Variants in MYOM1 observed in about 807,000 individuals in gnomAD.
MYOM1 encodes the protein myomesin-1.
In MYOM1, 164 loss-of-function variants were observed where a neutral mutation model predicts 205.3. That is an observed-to-expected ratio of 0.80 (90% CI 0.70 to 0.91). The LOEUF is 0.91. Among genes scored for constraint, MYOM1 ranks in the 40% least tolerant of loss-of-function variants. The pLI is 0.00. For synonymous variants in MYOM1, 772 were observed against 789.4 expected (o/e 0.98, Z 0.37); for missense variants, 2,011 against 2,127.3 (o/e 0.95, Z 1.08).
At chr18:3,136,361 A>G (rs901021873) in intron 14 of MYOM1, among the ~76,000 whole-genome samples, 7 of 152,120 alleles carry the variant, frequency 4.6e-5, no homozygotes, top group African/African-American at 1.7e-4. Context: ...TGCTTACAAA[A>G]GTCTTATTTT....
rs778965112 is a variant in MYOM1, at chr18:3,164,417, T to C, written c.1362A>G (p.Lys454=). ...CTCCACTCCAAAGTGTTTGCACCCATTTTGATGGAGAAAGAGGTACTCCTA... is the reference window on the plus strand; with the variant it reads ...CTCCACTCCAAAGTGTTTGCACCCACTTTGATGGAGAAAGAGGTACTCCTA... ...YRNGVPLSPS[K]WVQTLWSGER... The change falls in exon 10 of 38, where the codon AAA becomes AAG. Residue 454 remains lysine, a synonymous_variant. Transcript: ENST00000356443. The C allele has an allele frequency of 1.8e-5, 29 of 1,605,166 alleles. No homozygotes were observed. The highest frequency in any genetic ancestry group is 2.3e-5 in the Non-Finnish European group (27 of 1,176,444).
chr18:3,187,601 C>T lies in MYOM1; in HGVS notation c.808G>A (p.Glu270Lys), dbSNP rs777614479. Reference sequence around the variant, plus strand: ...TCAGGAGCATGGAGAAGATGGTCTTCATTCAGCTTGGCATGATATGTCTCG... The same window carrying T: ...TCAGGAGCATGGAGAAGATGGTCTTTATTCAGCTTGGCATGATATGTCTCG... ...ETETYHAKLNEDHLLHAPEFI... is the reference protein window; with the variant it reads ...ETETYHAKLNKDHLLHAPEFI... The change falls in exon 5 of 38, where the codon GAA (glutamate) becomes AAA (lysine). Residue 270 changes from glutamate (E) to lysine (K), a missense_variant. Physicochemically the swap from Glu to Lys is moderately conservative, Grantham distance 56 (BLOSUM62 1). Transcript: ENST00000356443. The T allele has an allele frequency of 9.9e-6, 16 of 1,612,682 alleles. No individual in the cohort carries two copies. The Admixed American group carries it at 2.7e-4, about 27-fold the overall frequency.
chr18:3,097,727 C>T (rs765547391), intron 25 of MYOM1, among the ~76,000 whole-genome samples: 1 of 152,086 alleles, frequency 6.6e-6, no homozygotes, highest in Non-Finnish European at 1.5e-5. Context: ...GTTTTAATCA[C>T]ATTCTCAGGG....
Position 3,187,598 on chromosome 18 carries a change from C to T in MYOM1, c.811G>A (p.Asp271Asn). 3 of 1,612,638 alleles carry T rather than the reference C, an allele frequency of 1.9e-6. No homozygotes were observed. Among genetic ancestry groups the T allele is most frequent in the Non-Finnish European group, 2.5e-6 (3 of 1,178,936 alleles). ...TETYHAKLNE[D>N]HLLHAPEFII... is the part of the protein sequence containing the mutation. ...AACTCAGGAGCATGGAGAAGATGGT[C>T]TTCATTCAGCTTGGCATGATATGTC... Residue 271 changes from aspartate (D) to asparagine (N), a missense_variant, in exon 5 of 38, where the codon GAC becomes AAC. Transcript: ENST00000356443.
At chr18:3,071,469 C>T (rs1320476392) in intron 37 of MYOM1, among the ~76,000 whole-genome samples, 3 of 152,120 alleles carry the variant, frequency 2.0e-5, no homozygotes, top group Non-Finnish European at 2.9e-5. Flanking sequence ...AGCAACTCTC[C>T]TGCCTCAGCC....
At chr18:3,112,962 T>A (rs943540705) in intron 21 of MYOM1, among the ~76,000 whole-genome samples, 4 of 152,192 alleles carry the variant, frequency 2.6e-5, no homozygotes, top group Non-Finnish European at 5.9e-5. Flanking sequence ...TTAATATAGC[T>A]ATTTCTTACT....
intron 19 of MYOM1, among the ~76,000 whole-genome samples, chr18:3,126,264 CAAAAAAA>C (rs575517054): frequency 3.1e-5 from 2 of 65,088 alleles, no homozygotes; most frequent in African/African-American, 5.6e-5. Context: ...GACTTCATCT[CAAAAAAA>C]AAAAAAAAAA....
chr18:3,139,734 A>G (rs2080022312), intron 14 of MYOM1, among the ~76,000 whole-genome samples: 1 of 152,212 alleles, frequency 6.6e-6, no homozygotes, highest in Non-Finnish European at 1.5e-5. Context: ...AGGCCTCCCT[A>G]CATAGTACTG....
At chr18:3,089,837 G>A (rs750019518) in intron 27 of MYOM1, among the ~76,000 whole-genome samples, 17 of 152,158 alleles carry the variant, frequency 1.1e-4, no homozygotes, top group Non-Finnish European at 2.9e-5. Context: ...AGATCTGGCC[G>A]GCCTTTCCAT....
In MYOM1 at chr18:3,112,398, C is replaced by A; in HGVS notation, c.3318G>T (p.Lys1106Asn). ...CACGGAACACGTAGCTGACGCCCTC[C>A]TTGAGGCCTCGAACCTGGTAGAAGC... Reference protein sequence around the residue: ...KNVYLKVRGLKEGVSYVFRVR... With the variant: ...KNVYLKVRGLNEGVSYVFRVR... The change falls in exon 22 of 38, where the codon AAG becomes AAT. Residue 1106 changes from lysine (K) to asparagine (N), a missense_variant. Transcript: ENST00000356443. 6.2e-7 allele frequency: 1 copy of A among 1,603,412 alleles called. No individual in the cohort carries two copies. The highest frequency in any genetic ancestry group is 8.5e-7 in the Non-Finnish European group (1 of 1,172,804).
Position 3,149,196 on chromosome 18 carries a change from G to A in MYOM1, c.1849C>T (p.Pro617Ser). ...PAEKARLKSR[P>S]SAPWTGQIIV... ...ATCTGTCCAGTCCAGGGTGCTGAGGGGCGACCTGAATAAAGACAAATATAA... is the reference window on the plus strand; with the variant it reads ...ATCTGTCCAGTCCAGGGTGCTGAGGAGCGACCTGAATAAAGACAAATATAA... The change falls in exon 13 of 38, where the codon CCC (proline) becomes TCC (serine). Residue 617 changes from proline to serine, a missense_variant. By Grantham distance (74) the Pro-to-Ser change is moderately conservative (BLOSUM62 -1). Transcript: ENST00000356443. 3 of 1,611,622 alleles carry A rather than the reference G, an allele frequency of 1.9e-6. No homozygotes were observed. Among genetic ancestry groups the A allele is most frequent in the Non-Finnish European group, 2.5e-6 (3 of 1,178,934 alleles).
At chr18:3,239,408 T>C in the MYOM1 span, among the ~76,000 whole-genome samples, 2 of 152,034 alleles carry the variant, frequency 1.3e-5, no homozygotes, top group Non-Finnish European at 2.9e-5. Context: ...GAGGATAGAA[T>C]AGAATGTGTT....
chr18:3,178,371 A>G (rs558518207), intron 5 of MYOM1, among the ~76,000 whole-genome samples: 123 of 152,238 alleles, frequency 8.1e-4, no homozygotes, highest in Non-Finnish European at 1.5e-3. Context: ...CAGGAACAGC[A>G]GAGGAGGGAT....
chr18:3,158,712 C>T, intron 10 of MYOM1, among the ~76,000 whole-genome samples: 1 of 152,048 alleles, frequency 6.6e-6, no homozygotes, highest in East Asian at 1.9e-4. Context: ...CTCCCAGGCT[C>T]AAGCTCTCCT....
rs1482556795 is a variant in MYOM1, at chr18:3,120,004, T to C, written c.2992-9A>G. 5 of 1,586,702 alleles carry C rather than the reference T, an allele frequency of 3.2e-6. No individual in the cohort carries two copies. The highest frequency in any genetic ancestry group is 3.4e-6 in the Non-Finnish European group (4 of 1,165,708). ...TCCTTCAAGTTGCTAATCTGCAACA[T>C]TGACAACATCACAGATACTGAATGT... On this transcript the variant is annotated splice_polypyrimidine_tract_variant and intron_variant, in intron 19 of 37. Coordinates refer to ENST00000356443, the MANE Select transcript of MYOM1 (RefSeq NM_003803.4).
At chr18:3,110,326 G>A (rs1453359864) in intron 22 of MYOM1, among the ~76,000 whole-genome samples, 1 of 152,140 alleles carries the variant, frequency 6.6e-6, no homozygotes, top group African/African-American at 2.4e-5. Context: ...GTGTAGTACT[G>A]AGCTGCCCTG....
intron 22 of MYOM1, among the ~76,000 whole-genome samples, chr18:3,104,699 A>G (rs940447844): frequency 1.3e-5 from 2 of 152,022 alleles, no homozygotes; most frequent in South Asian, 2.1e-4. Context: ...CTGATGTGAC[A>G]AAGTCCACAC....
At chr18:3,192,927 C>G (rs919580768) in intron 3 of MYOM1, among the ~76,000 whole-genome samples, 6 of 151,770 alleles carry the variant, frequency 4.0e-5, no homozygotes, top group African/African-American at 1.2e-4. Flanking sequence ...CATTGATAAC[C>G]AAGATATTTT....
intron 2 of MYOM1, among the ~76,000 whole-genome samples, chr18:3,211,781 T>G (rs2081193542): frequency 6.6e-6 from 1 of 152,174 alleles, no homozygotes; most frequent in African/African-American, 2.4e-5. Context: ...TTCCTAAGAC[T>G]CACTAAGGTC....
Sources: gnomAD v4.1 joint callset for allele counts (sites outside exome capture counted in the v4.1 genomes callset) on GRCh38, gnomAD v4.1.1 for gene constraint, MANE v1.5 for transcripts, NCBI Gene and HGNC (gene_info 2026-07-23, HGNC 2026-07-21) for gene names.